Variants in PCDH9 observed in about 807,000 individuals in gnomAD.
PCDH9 encodes protocadherin-9.
In PCDH9, 24 loss-of-function variants were observed where a neutral mutation model predicts 70.6. The ratio of observed to expected loss-of-function variants is 0.34; its 90% CI spans 0.25 to 0.48. The LOEUF is 0.48. PCDH9 is among the 20% of genes least tolerant of loss of function. The pLI, the probability that PCDH9 is intolerant of heterozygous loss-of-function variation, is 0.99. For synonymous variants in PCDH9, 562 were observed against 558.5 expected, an observed-to-expected ratio of 1.01 and a Z score of -0.09; for missense variants, 1,281 against 1,503.6, an observed-to-expected ratio of 0.85 and a Z score of 2.45.
intron 3 of PCDH9, among the ~76,000 whole-genome samples, chr13:66,879,578 A>G (rs753487350): frequency 6.6e-6 from 1 of 152,210 alleles, no homozygotes; most frequent in Non-Finnish European, 1.5e-5. Flanking sequence ...ACTTCCAAAT[A>G]TCAAATAGCA....
rs1473736087 is a variant in PCDH9 at position 66,758,853 on chromosome 13, G to T, written c.3139-127442C>A. On this transcript the variant is annotated intron_variant, in intron 3 of 4. Transcript: ENST00000377865. The stretch of plus-strand genomic sequence containing the variant: ...ATTTCTTCATAACTCAATCTTTGTA[G>T]GTTATATGTCTTCAAGAATTTATCC... Among the ~76,000 whole-genome samples the T allele has an allele frequency of 2.6e-5, 4 of 151,830 alleles. No homozygotes were observed. The South Asian group carries it at 8.3e-4, about 32-fold the overall frequency.
intron 3 of PCDH9, among the ~76,000 whole-genome samples, chr13:66,793,697 G>C (rs532260341): frequency 6.6e-6 from 1 of 152,262 alleles, no homozygotes; most frequent in Admixed American, 6.5e-5. Flanking sequence ...GGAAAAAAGA[G>C]TATAAGGCAT....
chr13:66,470,480 G>A (rs1018041712), intron 4 of PCDH9, among the ~76,000 whole-genome samples: 4 of 151,978 alleles, frequency 2.6e-5, no homozygotes, highest in African/African-American at 9.7e-5. Flanking sequence ...AAGTGTTAAC[G>A]CATCTTTGAA....
intron 3 of PCDH9, among the ~76,000 whole-genome samples, chr13:66,666,603 C>T: frequency 6.6e-6 from 1 of 152,100 alleles, no homozygotes; most frequent in East Asian, 1.9e-4. Flanking sequence ...TGTACCCTAA[C>T]AAAATAGTCC....
intron 2 of PCDH9, among the ~76,000 whole-genome samples, chr13:67,009,724 A>G (rs183024819): frequency 1.1e-3 from 160 of 152,014 alleles, no homozygotes; most frequent in Non-Finnish European, 1.6e-3. Flanking sequence ...CTCTTTTTTT[A>G]TTGATGGTTA....
At chr13:67,018,028 T>A (rs938309937) in intron 2 of PCDH9, among the ~76,000 whole-genome samples, 4 of 152,228 alleles carry the variant, frequency 2.6e-5, no homozygotes, top group Non-Finnish European at 5.9e-5. Flanking sequence ...ATTTTTTTGA[T>A]TTTACAAATT....
At chr13:66,912,655 A>T (rs2082487987) in intron 2 of PCDH9, among the ~76,000 whole-genome samples, 1 of 152,186 alleles carries the variant, frequency 6.6e-6, no homozygotes, top group East Asian at 1.9e-4. Context: ...ATATATGCAT[A>T]AAATATTTCA....
intron 3 of PCDH9, among the ~76,000 whole-genome samples, chr13:66,643,713 GAC>G (rs1420421072): frequency 6.6e-6 from 1 of 152,058 alleles, no homozygotes; most frequent in Non-Finnish European, 1.5e-5. Flanking sequence ...TAGAAGGCAT[GAC>G]ACTCTCAAAC....
chr13:66,740,071 A>G (rs1361593484), intron 3 of PCDH9, among the ~76,000 whole-genome samples: 1 of 149,964 alleles, frequency 6.7e-6, no homozygotes, highest in South Asian at 2.1e-4. Flanking sequence ...CTATTCCAAA[A>G]TTGACCACAT....
chr13:67,143,178 A>G (rs1356182790), intron 2 of PCDH9, among the ~76,000 whole-genome samples: 1 of 152,170 alleles, frequency 6.6e-6, no homozygotes, highest in Non-Finnish European at 1.5e-5. Flanking sequence ...TTCATCAAAT[A>G]CATTATTAGC....
chr13:66,811,597 T>G (rs2080506361), intron 3 of PCDH9, among the ~76,000 whole-genome samples: 1 of 141,650 alleles, frequency 7.1e-6, no homozygotes, highest in African/African-American at 2.7e-5. Flanking sequence ...CTTTCTTCCT[T>G]CCTACCTGTC....
Position 67,226,516 on chromosome 13 carries a change from G to A in PCDH9, c.1925C>T (p.Thr642Ile), listed in dbSNP as rs2089874998. ...SFDREQQSSY[T>I]FDVKATDGGQ... ...TCCATCAGTGGCTTTGACATCAAAAGTGTAGGAACTCTGCTGCTCTCTATC... is the reference window on the plus strand; with the variant it reads ...TCCATCAGTGGCTTTGACATCAAAAATGTAGGAACTCTGCTGCTCTCTATC... The change falls in exon 2 of 5, where the codon ACT (threonine) becomes ATT (isoleucine). Residue 642 changes from threonine to isoleucine, a missense_variant. By Grantham distance (89) the Thr-to-Ile change is moderately conservative. This residue lies in a region of PCDH9 where 798 missense variants were observed against 1,003.1 expected (regional missense o/e 0.80). Transcript: ENST00000377865. This position sits in a 1 kb window ranked among gnomAD's most constrained non-coding sequence, Gnocchi z 5.0. 1 of 1,614,104 alleles carries A rather than the reference G, an allele frequency of 6.2e-7. No individual in the cohort carries two copies. The highest frequency in any genetic ancestry group is 1.1e-5 in the South Asian group (1 of 91,086).
At chr13:67,055,598 G>A (rs923131374) in intron 2 of PCDH9, among the ~76,000 whole-genome samples, 3 of 151,690 alleles carry the variant, frequency 2.0e-5, no homozygotes, top group Middle Eastern at 6.8e-3. Context: ...GATCAGTTGA[G>A]GCCAGGTGTT....
At chr13:66,825,717 G>A (rs1001442707) in intron 3 of PCDH9, among the ~76,000 whole-genome samples, 1 of 152,116 alleles carries the variant, frequency 6.6e-6, no homozygotes, top group South Asian at 2.1e-4. Flanking sequence ...ATAAAAGTAG[G>A]CATGTTTCAA....
intron 2 of PCDH9, among the ~76,000 whole-genome samples, chr13:67,192,888 G>A (rs1443776977): frequency 6.6e-6 from 1 of 152,122 alleles, no homozygotes; most frequent in Non-Finnish European, 1.5e-5. Flanking sequence ...GTTCACGTAA[G>A]ATACTATTAT....
chr13:66,993,782 G>C (rs1359685182), intron 2 of PCDH9, among the ~76,000 whole-genome samples: 1 of 152,096 alleles, frequency 6.6e-6, no homozygotes, highest in Non-Finnish European at 1.5e-5. Context: ...TCAATGGCTT[G>C]AGATAAATGG....
chr13:67,058,760 C>A (rs1377575289), intron 2 of PCDH9, among the ~76,000 whole-genome samples: 1 of 152,076 alleles, frequency 6.6e-6, no homozygotes, highest in Non-Finnish European at 1.5e-5. Context: ...TTGAAAAGCA[C>A]TTTTAGATGG....
chr13:66,873,511 T>C (rs1475417405), intron 3 of PCDH9, among the ~76,000 whole-genome samples: 2 of 152,170 alleles, frequency 1.3e-5, no homozygotes, highest in African/African-American at 4.8e-5. Context: ...TATTCTACTG[T>C]GGTTCTCCCT....
intron 3 of PCDH9, among the ~76,000 whole-genome samples, chr13:66,836,527 T>C (rs2139419534): frequency 6.6e-6 from 1 of 152,270 alleles, no homozygotes. Context: ...AATCCTACAC[T>C]TAACAGGAGC....
Sources: gnomAD v4.1 joint callset for allele counts (sites outside exome capture counted in the v4.1 genomes callset) on GRCh38, gnomAD v4.1.1 for gene constraint, gnomAD v4.1.1 regional missense constraint, Gnocchi (gnomAD v3.1) non-coding constraint, MANE v1.5 for transcripts, NCBI Gene and HGNC (gene_info 2026-07-23, HGNC 2026-07-21) for gene names.